Variants in SAV1 observed in about 807,000 individuals in gnomAD.
SAV1 encodes the protein protein salvador homolog 1.
A neutral mutation model predicts 47.3 loss-of-function variants in SAV1; 23 were observed. The observed-to-expected ratio is 0.49, with a 90% confidence interval of 0.35 to 0.69. The LOEUF is 0.69. Ranked by LOEUF, SAV1 falls within the 30% of genes least tolerant of loss-of-function variation. The pLI is 0.01. For missense variants in SAV1, 448 were observed against 457.4 expected (o/e 0.98, Z 0.19); for synonymous variants, 155 against 159.2 (o/e 0.97, Z 0.20).
Position 50,655,592 on chromosome 14 carries a change from C to T in SAV1, c.535+9587G>A, listed in dbSNP as rs151133568. Among the ~76,000 whole-genome samples, 1,298 of 151,962 alleles carry T rather than the reference C, an allele frequency of 8.5e-3. 24 individuals are homozygous for T. The highest frequency in any genetic ancestry group is 0.03 in the African/African-American group (1,229 of 41,468). ...AGGAACCTGCCACCATGCCTGGCTA[C>T]TTTTTGTATTTTTAGTAGAGATGGG... is the stretch of plus-strand genomic sequence containing the variant. On this transcript the variant is annotated intron_variant, in intron 2 of 4. Transcript: ENST00000324679.
rs982703132 is a variant in SAV1 at position 50,659,186 on chromosome 14, G to A, written c.535+5993C>T. Reference sequence around the variant, plus strand: ...AATCTGATATAAAAGAGCCTGGGATGAGACTTCGAAGGCAGAAGTCTACTG... The same window carrying A: ...AATCTGATATAAAAGAGCCTGGGATAAGACTTCGAAGGCAGAAGTCTACTG... On this transcript the variant is annotated intron_variant, in intron 2 of 4. Coordinates refer to ENST00000324679, the MANE Select transcript of SAV1 (RefSeq NM_021818.4). Among the ~76,000 whole-genome samples the A allele has an allele frequency of 2.0e-5, 3 of 151,440 alleles. 1 individual carries two copies. Among genetic ancestry groups the A allele is most frequent in the South Asian group, 4.2e-4 (2 of 4,804 alleles).
intron 2 of SAV1, among the ~76,000 whole-genome samples, chr14:50,663,810 G>A (rs17122721): frequency 0.22 from 32,991 of 151,496 alleles, 3,651 homozygotes; most frequent in African/African-American, 0.31. Flanking sequence ...TTGTCTTTCC[G>A]AAATGTGCAA....
chr14:50,662,263 G>T (rs1416931105), intron 2 of SAV1, among the ~76,000 whole-genome samples: 5 of 152,266 alleles, frequency 3.3e-5, no homozygotes, highest in African/African-American at 1.2e-4. Flanking sequence ...CCGCCTCCCG[G>T]GTTCACACCA....
chr14:50,661,121 A>C (rs546200997), intron 2 of SAV1, among the ~76,000 whole-genome samples: 115 of 152,288 alleles, frequency 7.6e-4, no homozygotes, highest in African/African-American at 2.7e-3. Flanking sequence ...TCTCACCAGT[A>C]GTATATTTTT....
intron 2 of SAV1, among the ~76,000 whole-genome samples, chr14:50,655,361 A>G (rs951927500): frequency 2.2e-4 from 34 of 152,072 alleles, no homozygotes; most frequent in Non-Finnish European, 2.5e-4. Context: ...TGGCTAACAG[A>G]GCTTCCCTCA....
At chr14:50,637,853 C>T (rs984851620) in intron 4 of SAV1, 1 of 152,184 alleles carries the variant, frequency 6.6e-6, no homozygotes, top group African/African-American at 2.4e-5. Context: ...TGGGAGGTCA[C>T]CATACTGATG....
Position 50,634,052 on chromosome 14 carries a change from T to G in SAV1, c.*1131A>C. 3.5e-6 allele frequency: 1 copy of G among 287,390 alleles called. No individual in the cohort carries two copies. Among genetic ancestry groups the G allele is most frequent in the South Asian group, 3.0e-5 (1 of 33,466 alleles). The allele number at this position is 287,390 out of a possible 1,614,324, so 17.8% of individuals were successfully genotyped here. A position where few individuals can be genotyped will look rare whatever the true frequency, so the allele number is the denominator to read the frequency against. On this transcript the variant is annotated 3_prime_UTR_variant, in exon 5 of 5. Transcript: ENST00000324679. Reference sequence around the variant, plus strand: ...CATTCGATTTAATGACCAAAAATTTTTTTTGAATCCCTGGTTGTCATTTTT... The same window carrying G: ...CATTCGATTTAATGACCAAAAATTTGTTTTGAATCCCTGGTTGTCATTTTT...
At chr14:50,666,522 T>A (rs1479268108) in intron 1 of SAV1, among the ~76,000 whole-genome samples, 2 of 152,124 alleles carry the variant, frequency 1.3e-5, no homozygotes, top group African/African-American at 4.8e-5. Flanking sequence ...AACAAATATC[T>A]GAATAAATAA....
chr14:50,635,099 A>G lies in SAV1; in HGVS notation c.*84T>C, dbSNP rs1213043444. ...AATTTCCACAAAGGAAGCAGCATTTATTAACCAGAGTACTTGTTTGCAATT... is the reference window on the plus strand; with the variant it reads ...AATTTCCACAAAGGAAGCAGCATTTGTTAACCAGAGTACTTGTTTGCAATT... On this transcript the variant is annotated 3_prime_UTR_variant, in exon 5 of 5. Transcript: ENST00000324679. 1.1e-6 allele frequency: 1 copy of G among 901,494 alleles called. No homozygotes were observed. Among genetic ancestry groups the G allele is most frequent in the African/African-American group, 1.7e-5 (1 of 59,530 alleles). The allele number at this position is 901,494 out of a possible 1,614,324, so 55.8% of individuals were successfully genotyped here. A position where few individuals can be genotyped will look rare whatever the true frequency, so the allele number is the denominator to read the frequency against.
At chr14:50,666,088 G>A (rs1291635475) in intron 1 of SAV1, among the ~76,000 whole-genome samples, 2 of 152,102 alleles carry the variant, frequency 1.3e-5, no homozygotes, top group Admixed American at 1.3e-4. Context: ...AGAACTTAAT[G>A]CTACTCCCAA....
At chr14:50,658,046 T>C (rs1230774007) in intron 2 of SAV1, among the ~76,000 whole-genome samples, 1 of 152,162 alleles carries the variant, frequency 6.6e-6, no homozygotes, top group African/African-American at 2.4e-5. Flanking sequence ...TTAGCATGTG[T>C]TATAATCAAG....
intron 3 of SAV1, among the ~76,000 whole-genome samples, chr14:50,643,065 T>G (rs905328557): frequency 2.6e-5 from 4 of 152,228 alleles, no homozygotes; most frequent in African/African-American, 9.6e-5. Flanking sequence ...GAATTTTGTA[T>G]AAGGATTGGC....
chr14:50,661,724 T>TA (rs1009144360), intron 2 of SAV1, among the ~76,000 whole-genome samples: 4 of 152,240 alleles, frequency 2.6e-5, no homozygotes, highest in Non-Finnish European at 5.9e-5. Context: ...GGTGCTTTTG[T>TA]AAAAAAATCA....
rs376189272 is a variant in SAV1 at position 50,640,699 on chromosome 14, T to C, written c.950+51A>G. 1.5e-5 allele frequency: 23 copies of C among 1,548,872 alleles called. No homozygotes were observed. The African/African-American group carries it at 1.8e-4, about 12-fold the overall frequency. On this transcript the variant is annotated intron_variant, in intron 4 of 4. Transcript: ENST00000324679. ...TGGATCGAGCAGCCCAGAGACTCCA[T>C]TCAGCCCTTCACTCACTCCTCAAAC...
intron 4 of SAV1, 53 bp from the exon 5 acceptor site, chr14:50,635,437 T>G: frequency 7.3e-7 from 1 of 1,374,088 alleles, no homozygotes; most frequent in Non-Finnish European, 1.0e-6. Context: ...TAAACATGTA[T>G]TTCTAGCAAG....
intron 4 of SAV1, among the ~76,000 whole-genome samples, chr14:50,637,122 T>C (rs2039641279): frequency 6.6e-6 from 1 of 152,198 alleles, no homozygotes; most frequent in African/African-American, 2.4e-5. Context: ...ATGTCAGTAA[T>C]ACAACATGCA....
chr14:50,665,307 G>C lies in SAV1; in HGVS notation c.407C>G (p.Ser136Ter). Residue 136 changes from serine (S) to a stop codon, truncating the protein, a stop_gained, in exon 2 of 5, where the codon TCA becomes TGA. Transcript: ENST00000324679. LOFTEE classifies it high-confidence loss of function. ...TCTCTGACCATCAAAAAAATTGTCTGAATAATAATATCGGGAACCAGAGTC... is the reference window on the plus strand; with the variant it reads ...TCTCTGACCATCAAAAAAATTGTCTCAATAATAATATCGGGAACCAGAGTC... ...NGDSGSRYYY[S>*]DNFFDGQRKR... 2 of 1,613,778 alleles carry C rather than the reference G, an allele frequency of 1.2e-6. No individual in the cohort carries two copies. Among genetic ancestry groups the C allele is most frequent in the Non-Finnish European group, 1.7e-6 (2 of 1,179,792 alleles).
chr14:50,650,508 C>A (rs1419470233), intron 2 of SAV1, among the ~76,000 whole-genome samples: 1 of 152,200 alleles, frequency 6.6e-6, no homozygotes, highest in Non-Finnish European at 1.5e-5. Flanking sequence ...ACACCCTTGT[C>A]TGTGTGACCA....
rs2039606715 is a variant in SAV1, at chr14:50,633,701, T to C, written c.*1482A>G. The C allele has an allele frequency of 6.5e-6, 1 of 152,772 alleles. No individual in the cohort carries two copies. Among genetic ancestry groups the C allele is most frequent in the African/African-American group, 2.4e-5 (1 of 41,476 alleles). 9.5% of individuals were successfully genotyped at this position (152,772 alleles called of 1,614,324 possible). A position where few individuals can be genotyped will look rare whatever the true frequency, so the allele number is the denominator to read the frequency against. ...AATCAAACACTTAACATTGTCAACA[T>C]TTCTTCAGTTATTCAAACTCACTGA... On this transcript the variant is annotated 3_prime_UTR_variant, in exon 5 of 5. Transcript: ENST00000324679.
Sources: allele counts gnomAD v4.1 joint callset (sites outside exome capture counted in the v4.1 genomes callset), GRCh38; gene constraint gnomAD v4.1.1; transcripts MANE v1.5; gene names NCBI Gene and HGNC (gene_info 2026-07-23, HGNC 2026-07-21).